Variants in TENM2 observed in about 807,000 individuals in gnomAD.
The protein encoded by TENM2 is teneurin-2.
Under a neutral mutation model 245.2 loss-of-function variants are expected in TENM2, and 52 were observed. The observed-to-expected ratio is 0.21, with a 90% CI of 0.17 to 0.27. The LOEUF (loss-of-function observed/expected upper bound fraction) is 0.27. Ranked by LOEUF, TENM2 falls within the 10% of genes least tolerant of loss-of-function variation. The pLI is 1.00. For synonymous variants in TENM2, 1,363 were observed against 1,438.9 expected (o/e 0.95, Z 1.19); for missense variants, 3,046 against 3,666.8 (o/e 0.83, Z 4.37).
intron 2 of TENM2, among the ~76,000 whole-genome samples, chr5:167,503,424 A>G (rs1193773084): frequency 6.6e-6 from 1 of 152,098 alleles, no homozygotes; most frequent in Non-Finnish European, 1.5e-5. Flanking sequence ...AGAGAAAAGA[A>G]GAGAGGAAGA....
Position 168,261,879 on chromosome 5 carries a change from A to T in TENM2, c.7564-170A>T, listed in dbSNP as rs574144877. ...GCCATCCATAGTTCAGAGCACTGGTAATCAACCAGCCAACCATAGTTCCAA... is the reference window on the plus strand; with the variant it reads ...GCCATCCATAGTTCAGAGCACTGGTTATCAACCAGCCAACCATAGTTCCAA... On this transcript the variant is annotated intron_variant, in intron 28 of 28. Coordinates refer to ENST00000518659, the Ensembl canonical transcript of TENM2. 2.0e-5 allele frequency among the ~76,000 whole-genome samples: 3 copies of T among 152,318 alleles called. No individual in the cohort carries two copies. In the South Asian group the frequency reaches 6.2e-4, roughly 32 times the overall value.
intron 7 of TENM2, among the ~76,000 whole-genome samples, chr5:168,086,670 C>CT (rs1225659321): frequency 1.3e-5 from 2 of 152,160 alleles, no homozygotes; most frequent in African/African-American, 4.8e-5. Context: ...TTCTGCAGAC[C>CT]TAATGGGTAG....
chr5:168,199,145 C>G, intron 16 of TENM2, 31 bp downstream of exon 18: 1 of 1,592,868 alleles, frequency 6.3e-7, no homozygotes, highest in Non-Finnish European at 8.6e-7. Flanking sequence ...GCGGGACTCT[C>G]AGGACTTCCC....
the TENM2 span, among the ~76,000 whole-genome samples, chr5:167,239,059 C>T: frequency 5.9e-5 from 9 of 152,152 alleles, no homozygotes; most frequent in Non-Finnish European, 7.4e-5. Flanking sequence ...TATCAGCAGA[C>T]GAAATAAATC....
At chr5:167,167,663 G>A in the TENM2 span, among the ~76,000 whole-genome samples, 1 of 152,150 alleles carries the variant, frequency 6.6e-6, no homozygotes, top group Non-Finnish European at 1.5e-5. Flanking sequence ...GTTATATGTA[G>A]GACTATTGCA....
intron 1 of TENM2, among the ~76,000 whole-genome samples, chr5:167,342,356 G>A (rs1030845206): frequency 1.3e-5 from 2 of 152,050 alleles, no homozygotes; most frequent in African/African-American, 4.8e-5. Context: ...GTAGAGTAAT[G>A]TGTTTTGGGA....
intron 1 of TENM2, among the ~76,000 whole-genome samples, chr5:167,360,378 G>T (rs1023774728): frequency 6.6e-6 from 1 of 152,116 alleles, no homozygotes; most frequent in African/African-American, 2.4e-5. Flanking sequence ...TTAGCATTTA[G>T]TAAGCACCAA....
intron 2 of TENM2, among the ~76,000 whole-genome samples, chr5:167,590,762 G>C (rs1053645282): frequency 6.6e-6 from 1 of 151,900 alleles, no homozygotes; most frequent in African/African-American, 2.4e-5. Flanking sequence ...AATAAAACAT[G>C]TTTTCCATTT....
At chr5:167,400,014 A>C (rs925627088) in intron 2 of TENM2, among the ~76,000 whole-genome samples, 5 of 152,288 alleles carry the variant, frequency 3.3e-5, no homozygotes, top group Admixed American at 2.6e-4. Context: ...AAAATACTAG[A>C]AAGTTAATCC....
intron 2 of TENM2, among the ~76,000 whole-genome samples, chr5:167,697,772 G>A (rs1012727433): frequency 1.4e-4 from 21 of 152,190 alleles, no homozygotes; most frequent in East Asian, 7.8e-4. Flanking sequence ...TGATCTGCCC[G>A]CCTCAACTTC....
chr5:167,622,896 T>C (rs953810728), intron 2 of TENM2, among the ~76,000 whole-genome samples: 1 of 152,160 alleles, frequency 6.6e-6, no homozygotes, highest in African/African-American at 2.4e-5. Context: ...CACGGTCTTG[T>C]CAAAGCTGCA....
chr5:168,164,798 T>C (rs1473906043), intron 13 of TENM2, among the ~76,000 whole-genome samples: 1 of 152,108 alleles, frequency 6.6e-6, no homozygotes, highest in Non-Finnish European at 1.5e-5. Context: ...TGTTTCAGAG[T>C]GTAGGAAGAT....
chr5:167,079,724 A>G, the TENM2 span, among the ~76,000 whole-genome samples: 2 of 152,200 alleles, frequency 1.3e-5, no homozygotes, highest in African/African-American at 4.8e-5. Context: ...TATAAAGTTT[A>G]TCTTCGAACT....
the TENM2 span, among the ~76,000 whole-genome samples, chr5:167,150,760 T>C: frequency 6.6e-6 from 1 of 152,164 alleles, no homozygotes; most frequent in Admixed American, 6.5e-5. Context: ...GTAAAACCTC[T>C]CACAAGATTT....
chr5:167,928,788 CA>C (rs1777961039), intron 3 of TENM2, among the ~76,000 whole-genome samples: 1 of 147,286 alleles, frequency 6.8e-6, no homozygotes, highest in African/African-American at 2.5e-5. Context: ...CCCATCTACT[CA>C]AGAGGCTGAG....
intron 2 of TENM2, among the ~76,000 whole-genome samples, chr5:167,680,432 G>A (rs1756629024): frequency 1.3e-5 from 2 of 152,134 alleles, no homozygotes; most frequent in African/African-American, 4.8e-5. Flanking sequence ...AGGTCAGAGG[G>A]TGAAGGCTAG....
the TENM2 span, among the ~76,000 whole-genome samples, chr5:167,105,583 CAT>C: frequency 3.9e-5 from 6 of 152,118 alleles, no homozygotes; most frequent in East Asian, 1.9e-4. Flanking sequence ...GTTAGGATAA[CAT>C]ATGATTTTTA....
chr5:168,090,797 G>T, intron 8 of TENM2, 28 bp downstream of exon 10: 1 of 1,574,032 alleles, frequency 6.4e-7, no homozygotes. Context: ...GAGATGGTAC[G>T]CCATGAAGGG....
At chr5:167,709,557 C>G (rs2089966447) in intron 2 of TENM2, among the ~76,000 whole-genome samples, 1 of 152,332 alleles carries the variant, frequency 6.6e-6, no homozygotes, top group East Asian at 1.9e-4. Context: ...CCCAGTCCAA[C>G]TGGTCTTTGC....
Sources: gnomAD v4.1 joint callset for allele counts (sites outside exome capture counted in the v4.1 genomes callset) on GRCh38, gnomAD v4.1.1 for gene constraint, MANE v1.5 for transcripts, NCBI Gene and HGNC (gene_info 2026-07-23, HGNC 2026-07-21) for gene names.